Variants in PCBP3 observed in about 807,000 individuals in gnomAD.
The protein encoded by PCBP3 is poly(rC) binding protein 3, also known as poly(rC)-binding protein 3.
Under a neutral mutation model 52.7 loss-of-function variants are expected in PCBP3, and 25 were observed. The observed-to-expected ratio is 0.47, with a 90% CI of 0.35 to 0.66. The LOEUF is 0.66. Ranked by LOEUF, PCBP3 falls within the 30% of genes least tolerant of loss-of-function variation. The pLI, the probability that PCBP3 is intolerant of heterozygous loss-of-function variation, is 0.01. For missense variants in PCBP3, 391 were observed against 490.3 expected (o/e 0.80, Z 1.91); for synonymous variants, 162 against 183.0 (o/e 0.89, Z 0.93).
Position 45,892,197 on chromosome 21 carries a change from C to T in PCBP3, c.11-4011C>T, listed in dbSNP as rs149474819. ...CGCTGTCACAGCGTTTGATGGACGA[C>T]GGGCAGTGCCTGCTTCAGGGAAGGG... On this transcript the variant is annotated intron_variant, in intron 5 of 17. Coordinates refer to ENST00000681687, the MANE Select transcript of PCBP3 (RefSeq NM_001384156.1). 1.7e-3 allele frequency among the ~76,000 whole-genome samples: 252 copies of T among 152,272 alleles called. 5 individuals are homozygous for T. Among genetic ancestry groups the T allele is most frequent in the African/African-American group, 5.5e-3 (228 of 41,550 alleles).
At chr21:45,920,247 C>T (rs2074251633) in intron 13 of PCBP3, among the ~76,000 whole-genome samples, 1 of 152,202 alleles carries the variant, frequency 6.6e-6, no homozygotes, top group African/African-American at 2.4e-5. Flanking sequence ...GCCTAACGTT[C>T]TCACTGTGGC....
chr21:45,875,830 A>G (rs761019687), intron 5 of PCBP3, among the ~76,000 whole-genome samples: 4 of 152,168 alleles, frequency 2.6e-5, no homozygotes, highest in Non-Finnish European at 4.4e-5. Context: ...TTTCACCTAT[A>G]TAGGACACAC....
chr21:45,867,214 C>T (rs986434100), intron 5 of PCBP3, among the ~76,000 whole-genome samples: 1 of 152,234 alleles, frequency 6.6e-6, no homozygotes, highest in African/African-American at 2.4e-5. Context: ...CGGAACAAAA[C>T]GCGGGCACGC....
intron 5 of PCBP3, chr21:45,854,128 G>C (rs2094170382): frequency 6.6e-6 from 1 of 152,186 alleles, no homozygotes; most frequent in African/African-American, 2.4e-5. Flanking sequence ...TCACAGCTCA[G>C]TAACCTGGGC....
At chr21:45,900,542 T>C (rs1017270718) in intron 7 of PCBP3, 49 bp from the exon 8 acceptor site, 2 of 1,528,126 alleles carry the variant, frequency 1.3e-6, no homozygotes, top group Non-Finnish European at 1.8e-6. Flanking sequence ...CGCGCCGTCC[T>C]CAGAGCCAGA....
At chr21:45,711,772 C>T (rs1178352964) in intron 2 of PCBP3, among the ~76,000 whole-genome samples, 2 of 152,144 alleles carry the variant, frequency 1.3e-5, no homozygotes, top group Non-Finnish European at 2.9e-5. Flanking sequence ...GATTGGACAT[C>T]CTAAATGACG....
chr21:45,893,143 C>T (rs574590866), intron 5 of PCBP3, among the ~76,000 whole-genome samples: 3 of 152,124 alleles, frequency 2.0e-5, no homozygotes, highest in African/African-American at 7.2e-5. Context: ...CCCTCAGGGC[C>T]TATGGCAGTT....
intron 5 of PCBP3, among the ~76,000 whole-genome samples, chr21:45,867,159 G>A (rs2094769139): frequency 6.6e-6 from 1 of 152,200 alleles, no homozygotes; most frequent in Non-Finnish European, 1.5e-5. Flanking sequence ...GTCTTTTTGG[G>A]GAGGGCATCC....
At chr21:45,869,894 T>C (rs778332745) in intron 5 of PCBP3, among the ~76,000 whole-genome samples, 1 of 152,274 alleles carries the variant, frequency 6.6e-6, no homozygotes, top group Non-Finnish European at 1.5e-5. Flanking sequence ...TTAGCACCAG[T>C]GCCTTCAAAC....
intron 1 of PCBP3, among the ~76,000 whole-genome samples, chr21:45,668,443 A>G (rs919624278): frequency 2.0e-5 from 3 of 152,220 alleles, no homozygotes; most frequent in South Asian, 4.1e-4. Flanking sequence ...CCTGTTAGCC[A>G]TAACAAATAA....
intron 4 of PCBP3, among the ~76,000 whole-genome samples, chr21:45,764,119 C>CA (rs1012136073): frequency 6.7e-5 from 8 of 119,788 alleles, no homozygotes; most frequent in Non-Finnish European, 1.1e-4. Flanking sequence ...TTTTTTTTTT[C>CA]TTTTTTTTTT....
chr21:45,746,094 A>C (rs926790702), intron 3 of PCBP3, among the ~76,000 whole-genome samples: 1 of 138,260 alleles, frequency 7.2e-6, no homozygotes, highest in South Asian at 2.3e-4. Context: ...CGGTGTTGTC[A>C]GCATCGCTGT....
chr21:45,907,121 C>T (rs1372971032), intron 9 of PCBP3, among the ~76,000 whole-genome samples: 1 of 152,232 alleles, frequency 6.6e-6, no homozygotes, highest in Non-Finnish European at 1.5e-5. Context: ...TTCTATGTCT[C>T]AGTTGTTCTT....
intron 2 of PCBP3, among the ~76,000 whole-genome samples, chr21:45,674,222 T>C (rs1161161606): frequency 6.6e-6 from 1 of 152,224 alleles, no homozygotes; most frequent in Non-Finnish European, 1.5e-5. Context: ...AATGTTTAGT[T>C]GATGTTGTTA....
chr21:45,868,788 G>T (rs1432591644), intron 5 of PCBP3, among the ~76,000 whole-genome samples: 1 of 152,242 alleles, frequency 6.6e-6, no homozygotes, highest in African/African-American at 2.4e-5. Flanking sequence ...GCCGAGACAG[G>T]GAAGGGAGCC....
intron 13 of PCBP3, among the ~76,000 whole-genome samples, chr21:45,929,398 G>A (rs1351808678): frequency 6.6e-6 from 1 of 152,216 alleles, no homozygotes; most frequent in Non-Finnish European, 1.5e-5. Context: ...CACCTCATGG[G>A]TAAAGCAAGG....
rs1603434016 is a variant in PCBP3, at chr21:45,802,669, T to C, written c.-126+47217T>C. 1.3e-5 allele frequency among the ~76,000 whole-genome samples: 2 copies of C among 152,062 alleles called. No individual in the cohort carries two copies. The highest frequency in any genetic ancestry group is 2.4e-5 in the African/African-American group (1 of 41,414). ...AGGAGGTCAGATTGTGTGTTTGGGA[T>C]GTTCCTCTCCTTCATGGGGAGGAGA... On this transcript the variant is annotated intron_variant, in intron 4 of 17. Coordinates refer to ENST00000681687, the MANE Select transcript of PCBP3 (RefSeq NM_001384156.1). This position sits in a 1 kb window ranked among gnomAD's most constrained non-coding sequence, Gnocchi z 5.1.
intron 1 of PCBP3, among the ~76,000 whole-genome samples, chr21:45,654,338 A>AT (rs398036499): frequency 0.29 from 32,123 of 109,402 alleles, 6,013 homozygotes; most frequent in East Asian, 0.63. Context: ...TAGACATTGC[A>AT]TTTTTTTTTT....
chr21:45,802,778 G>A lies in PCBP3; in HGVS notation c.-125-47183G>A, dbSNP rs1320339854. On this transcript the variant is annotated intron_variant, in intron 4 of 17. Transcript: ENST00000681687. This position sits in a 1 kb window ranked among gnomAD's most constrained non-coding sequence, Gnocchi z 5.1. ...CCTCCAGGGCTGGTGCTGGGAGGAGGCAGGGATGGGAAGGGTCCCCGAGGG... is the reference window on the plus strand; with the variant it reads ...CCTCCAGGGCTGGTGCTGGGAGGAGACAGGGATGGGAAGGGTCCCCGAGGG... Among the ~76,000 whole-genome samples, 2 of 152,174 alleles carry A rather than the reference G, an allele frequency of 1.3e-5. No individual in the cohort carries two copies. The highest frequency in any genetic ancestry group is 4.8e-5 in the African/African-American group (2 of 41,446).
Sources: gnomAD v4.1 joint callset for allele counts (sites outside exome capture counted in the v4.1 genomes callset) on GRCh38, gnomAD v4.1.1 for gene constraint, Gnocchi (gnomAD v3.1) non-coding constraint, MANE v1.5 for transcripts, NCBI Gene and HGNC (gene_info 2026-07-23, HGNC 2026-07-21) for gene names.